ZBTB20: variants seen among roughly 807,000 people sequenced by gnomAD.
ZBTB20 encodes the protein zinc finger and BTB domain-containing protein 20.
A neutral mutation model predicts 56.9 loss-of-function variants in ZBTB20; 9 were observed. The observed-to-expected ratio is 0.16, with a 90% CI of 0.10 to 0.28. The LOEUF is 0.28. Among genes scored for constraint, ZBTB20 ranks in the 10% least tolerant of loss-of-function variants. ZBTB20 has a pLI of 1.00. For synonymous variants in ZBTB20, 417 were observed against 420.7 expected, an observed-to-expected ratio of 0.99 and a Z score of 0.11; for missense variants, 655 against 1,003.0, an observed-to-expected ratio of 0.65 and a Z score of 4.69.
intron 4 of ZBTB20, among the ~76,000 whole-genome samples, chr3:114,871,953 TC>T (rs1553849751): frequency 2.0e-5 from 3 of 152,130 alleles, no homozygotes; most frequent in Non-Finnish European, 2.9e-5. Context: ...TCCCAGTTCC[TC>T]CCAACTTTAT....
At position 114,323,080 on chromosome 3, in the gene ZBTB20, A is replaced by C. The variant is rs1247055630; in HGVS notation, c.*15925T>G. 2 of 151,956 alleles carry C rather than the reference A, an allele frequency of 1.3e-5. No individual in the cohort carries two copies. The highest frequency in any genetic ancestry group is 1.5e-5 in the Non-Finnish European group (1 of 67,888). 9.4% of individuals were successfully genotyped at this position (151,956 alleles called of 1,614,324 possible). ...ACTCTTGTGTTATTATTTCCCACAC[A>C]ATCTATTGCTTATCCTGTGATGAAA... is the stretch of plus-strand genomic sequence containing the variant. On this transcript the variant is annotated 3_prime_UTR_variant, in exon 12 of 12. Coordinates refer to ENST00000675478, the MANE Select transcript of ZBTB20 (RefSeq NM_001348800.3).
At chr3:114,987,450 A>G (rs1249860762) in intron 2 of ZBTB20, among the ~76,000 whole-genome samples, 1 of 152,178 alleles carries the variant, frequency 6.6e-6, no homozygotes, top group African/African-American at 2.4e-5. Context: ...CATTAAAGAA[A>G]TAATTGGAAA....
chr3:115,114,164 T>C (rs1471160667), intron 1 of ZBTB20, among the ~76,000 whole-genome samples: 1 of 152,156 alleles, frequency 6.6e-6, no homozygotes, highest in Non-Finnish European at 1.5e-5. Flanking sequence ...CTCTTGATGC[T>C]CTTACTGAAA....
At chr3:114,828,598 T>C (rs2073678365) in intron 4 of ZBTB20, among the ~76,000 whole-genome samples, 1 of 151,872 alleles carries the variant, frequency 6.6e-6, no homozygotes, top group Non-Finnish European at 1.5e-5. Flanking sequence ...CAATGCATAG[T>C]GATTTTCTTA....
At position 114,567,963 on chromosome 3, in the gene ZBTB20, C is replaced by G. The variant is rs2052976777; in HGVS notation, c.-294-67572G>C. The stretch of plus-strand genomic sequence containing the variant: ...GAATGCCAAGGGTTCAAACTCCACA[C>G]CAGCTTTGGGCTCAGGCCCAAGACT... On this transcript the variant is annotated intron_variant, in intron 6 of 11. Transcript: ENST00000675478. Among the ~76,000 whole-genome samples the G allele has an allele frequency of 1.3e-5, 2 of 152,234 alleles. 1 individual carries two copies. Among genetic ancestry groups the G allele is most frequent in the South Asian group, 4.1e-4 (2 of 4,830 alleles).
intron 10 of ZBTB20, among the ~76,000 whole-genome samples, chr3:114,357,517 T>C (rs1159428477): frequency 6.6e-6 from 1 of 152,220 alleles, no homozygotes; most frequent in East Asian, 1.9e-4. Flanking sequence ...TCATAGAACA[T>C]TTCTAGAGAA....
rs139019247 is a variant in ZBTB20, at chr3:114,443,925, A to C, written c.-254-54820T>G. 2.6e-3 allele frequency among the ~76,000 whole-genome samples: 397 copies of C among 152,322 alleles called. 2 individuals are homozygous for C. The highest frequency in any genetic ancestry group is 8.7e-3 in the African/African-American group (361 of 41,576). On this transcript the variant is annotated intron_variant, in intron 7 of 11. Coordinates refer to ENST00000675478, the MANE Select transcript of ZBTB20 (RefSeq NM_001348800.3). ...ATGTAGACCTGTTCTTTACATTACAAATAAATACATAAATAGCTTGCATAT... is the reference window on the plus strand; with the variant it reads ...ATGTAGACCTGTTCTTTACATTACACATAAATACATAAATAGCTTGCATAT...
At chr3:115,009,566 G>A (rs949466675) in intron 2 of ZBTB20, among the ~76,000 whole-genome samples, 3 of 152,008 alleles carry the variant, frequency 2.0e-5, no homozygotes, top group East Asian at 1.9e-4. Flanking sequence ...TTCCTGAGAT[G>A]ACTAGGTATT....
intron 4 of ZBTB20, among the ~76,000 whole-genome samples, chr3:114,820,543 C>T (rs1384622414): frequency 6.6e-6 from 1 of 151,846 alleles, no homozygotes; most frequent in East Asian, 1.9e-4. Context: ...ATCCTTTCAA[C>T]AAGTGTACAT....
chr3:115,058,530 A>C (rs1339403207), intron 2 of ZBTB20, among the ~76,000 whole-genome samples: 1 of 152,128 alleles, frequency 6.6e-6, no homozygotes, highest in Non-Finnish European at 1.5e-5. Context: ...GGAGTTTGAG[A>C]CCAGCCTGGC....
chr3:114,782,985 A>T (rs1303132409), intron 5 of ZBTB20, among the ~76,000 whole-genome samples: 1 of 152,154 alleles, frequency 6.6e-6, no homozygotes, highest in Admixed American at 6.6e-5. Context: ...AATGTCCTTT[A>T]AAAAATTCAT....
intron 4 of ZBTB20, among the ~76,000 whole-genome samples, chr3:114,817,336 T>A (rs531365110): frequency 3.3e-5 from 5 of 151,826 alleles, no homozygotes; most frequent in Admixed American, 2.0e-4. Flanking sequence ...CTGACCAACA[T>A]GGAGAAACCC....
intron 1 of ZBTB20, among the ~76,000 whole-genome samples, chr3:115,093,539 T>C (rs1031621297): frequency 4.6e-5 from 7 of 152,220 alleles, no homozygotes; most frequent in African/African-American, 1.7e-4. Flanking sequence ...CTTTTTGTTT[T>C]GTTTCATACA....
At chr3:114,598,150 T>G (rs1323619572) in intron 6 of ZBTB20, among the ~76,000 whole-genome samples, 1 of 152,114 alleles carries the variant, frequency 6.6e-6, no homozygotes, top group Non-Finnish European at 1.5e-5. Context: ...ACTGTAAAAT[T>G]TTTATACTGT....
intron 7 of ZBTB20, among the ~76,000 whole-genome samples, chr3:114,426,438 T>A (rs1325398191): frequency 6.6e-6 from 1 of 151,692 alleles, no homozygotes; most frequent in East Asian, 1.9e-4. Context: ...AGTCCTCCAG[T>A]GGCTTTCTAC....
At chr3:114,922,166 A>G (rs2075984584) in intron 3 of ZBTB20, among the ~76,000 whole-genome samples, 2 of 152,182 alleles carry the variant, frequency 1.3e-5, no homozygotes, top group African/African-American at 4.8e-5. Flanking sequence ...AATTTGGTAC[A>G]GAAGGAACGT....
chr3:114,967,851 G>A (rs567854684), intron 3 of ZBTB20, among the ~76,000 whole-genome samples: 2 of 151,998 alleles, frequency 1.3e-5, no homozygotes, highest in African/African-American at 2.4e-5. Context: ...CAGCTACTCA[G>A]GAGGCTGAGG....
intron 5 of ZBTB20, among the ~76,000 whole-genome samples, chr3:114,696,458 C>A (rs2063020385): frequency 6.6e-6 from 1 of 152,064 alleles, no homozygotes; most frequent in Non-Finnish European, 1.5e-5. Context: ...ACCACCACTG[C>A]TGCTACCCTT....
At chr3:115,133,828 T>C (rs2084579028) in intron 1 of ZBTB20, among the ~76,000 whole-genome samples, 1 of 152,254 alleles carries the variant, frequency 6.6e-6, no homozygotes, top group South Asian at 2.1e-4. Flanking sequence ...TGAATAATGC[T>C]GCCATGAATA....
Sources: allele counts gnomAD v4.1 joint callset (sites outside exome capture counted in the v4.1 genomes callset), GRCh38; gene constraint gnomAD v4.1.1; transcripts MANE v1.5; gene names NCBI Gene and HGNC (gene_info 2026-07-23, HGNC 2026-07-21).